Variants in EPHA6 observed in about 807,000 individuals in gnomAD.
The protein encoded by EPHA6 is ephrin type-A receptor 6.
A neutral mutation model predicts 112.0 loss-of-function variants in EPHA6; 50 were observed. The ratio of observed to expected loss-of-function variants is 0.45; its 90% CI spans 0.36 to 0.56. The LOEUF (loss-of-function observed/expected upper bound fraction) is 0.56. Among genes scored for constraint, EPHA6 ranks in the 20% least tolerant of loss-of-function variants. EPHA6 has a pLI of 0.00. For missense variants in EPHA6, 1,280 were observed against 1,417.4 expected (o/e 0.90, Z 1.56); for synonymous variants, 529 against 490.7 (o/e 1.08, Z -1.03).
intron 11 of EPHA6, among the ~76,000 whole-genome samples, chr3:97,547,212 T>G (rs2092963842): frequency 6.6e-6 from 1 of 152,208 alleles, no homozygotes; most frequent in Non-Finnish European, 1.5e-5. Context: ...ACCTTTGGTC[T>G]TTGATGATGG....
intron 7 of EPHA6, among the ~76,000 whole-genome samples, chr3:97,472,884 T>C (rs2091266589): frequency 6.6e-6 from 1 of 151,818 alleles, no homozygotes; most frequent in East Asian, 1.9e-4. Context: ...GGCAATTGCT[T>C]GGGCTTGGAG....
chr3:96,916,581 GAAAAA>G (rs1389146460), intron 2 of EPHA6, among the ~76,000 whole-genome samples: 2 of 151,982 alleles, frequency 1.3e-5, no homozygotes, highest in African/African-American at 4.8e-5. Context: ...GAGACTCATA[GAAAAA>G]AACAAGGAGC....
intron 5 of EPHA6, among the ~76,000 whole-genome samples, chr3:97,355,493 G>T (rs1210251566): frequency 6.6e-6 from 1 of 151,880 alleles, no homozygotes; most frequent in Non-Finnish European, 1.5e-5. Context: ...TTATTTGCAA[G>T]CCTCATGATA....
chr3:97,555,898 G>T (rs962978740), intron 11 of EPHA6, among the ~76,000 whole-genome samples: 1 of 152,046 alleles, frequency 6.6e-6, no homozygotes, highest in African/African-American at 2.4e-5. Flanking sequence ...TCTGATGGTA[G>T]TTTCTTTTGC....
intron 5 of EPHA6, among the ~76,000 whole-genome samples, chr3:97,283,480 C>T (rs954777168): frequency 1.3e-5 from 2 of 151,534 alleles, no homozygotes; most frequent in African/African-American, 4.9e-5. Flanking sequence ...CTAAACTAGC[C>T]TAGATATGGT....
rs1321221173 is a variant in EPHA6, at chr3:97,757,445, C to T, written c.*8744C>T. ...TCTTAACATTTCCATATTATTAATCCTTTGTTTTCCAAGACATATATAATC... is the reference window on the plus strand; with the variant it reads ...TCTTAACATTTCCATATTATTAATCTTTTGTTTTCCAAGACATATATAATC... On this transcript the variant is annotated 3_prime_UTR_variant, in exon 18 of 18. Coordinates refer to ENST00000389672, the MANE Select transcript of EPHA6 (RefSeq NM_001080448.3). Among the ~76,000 whole-genome samples, 1 of 151,444 alleles carries T rather than the reference C, an allele frequency of 6.6e-6. No individual in the cohort carries two copies. Among genetic ancestry groups the T allele is most frequent in the African/African-American group, 2.4e-5 (1 of 41,320 alleles).
chr3:97,649,602 G>A (rs2094092978), intron 14 of EPHA6, among the ~76,000 whole-genome samples: 1 of 152,022 alleles, frequency 6.6e-6, no homozygotes, highest in Non-Finnish European at 1.5e-5. Context: ...TTATCAGAAT[G>A]CTATGATGTG....
intron 7 of EPHA6, among the ~76,000 whole-genome samples, chr3:97,458,471 A>G (rs1294315168): frequency 6.6e-6 from 1 of 152,148 alleles, no homozygotes; most frequent in Non-Finnish European, 1.5e-5. Context: ...GTCAACAAAT[A>G]ATTTTGGCAA....
intron 13 of EPHA6, among the ~76,000 whole-genome samples, chr3:97,626,721 A>C (rs936824194): frequency 2.0e-5 from 3 of 151,884 alleles, no homozygotes; most frequent in Admixed American, 6.6e-5. Context: ...AGATCATACC[A>C]GTTTGCAAGA....
At chr3:97,436,970 G>A (rs933262737) in intron 6 of EPHA6, among the ~76,000 whole-genome samples, 45 of 151,756 alleles carry the variant, frequency 3.0e-4, no homozygotes, top group African/African-American at 1.0e-3. Flanking sequence ...CGGCCCACAC[G>A]TGGCCCAGGA....
At chr3:96,874,609 T>C (rs905441972) in intron 2 of EPHA6, among the ~76,000 whole-genome samples, 6 of 152,086 alleles carry the variant, frequency 3.9e-5, no homozygotes, top group South Asian at 2.1e-4. Flanking sequence ...ATACCAGTTA[T>C]AGTTAGTGAC....
intron 11 of EPHA6, among the ~76,000 whole-genome samples, chr3:97,555,554 G>A (rs547981349): frequency 6.6e-6 from 1 of 152,282 alleles, no homozygotes; most frequent in South Asian, 2.1e-4. Flanking sequence ...CAGTGTAAAA[G>A]TGTTCTTATT....
intron 12 of EPHA6, among the ~76,000 whole-genome samples, chr3:97,595,468 T>TC (rs2093579740): frequency 6.6e-6 from 1 of 151,550 alleles, no homozygotes; most frequent in African/African-American, 2.4e-5. Flanking sequence ...ACATGGTGAG[T>TC]CGCCATCTCT....
chr3:97,672,777 G>A (rs373118112), intron 14 of EPHA6, among the ~76,000 whole-genome samples: 29 of 152,222 alleles, frequency 1.9e-4, no homozygotes, highest in African/African-American at 6.5e-4. Flanking sequence ...TTACCATTTT[G>A]CATAAATGAC....
intron 13 of EPHA6, among the ~76,000 whole-genome samples, chr3:97,632,848 T>C (rs755532998): frequency 3.4e-4 from 51 of 152,104 alleles, no homozygotes; most frequent in Non-Finnish European, 6.2e-4. Context: ...TTGAAAATCA[T>C]TGAAGTGTTT....
chr3:97,545,195 G>C (rs1459642033), intron 11 of EPHA6, among the ~76,000 whole-genome samples: 1 of 151,744 alleles, frequency 6.6e-6, no homozygotes. Context: ...TTCTCTTGTG[G>C]GCATTTAGTG....
intron 10 of EPHA6, among the ~76,000 whole-genome samples, chr3:97,510,102 G>A (rs1303189478): frequency 6.6e-6 from 1 of 152,112 alleles, no homozygotes; most frequent in African/African-American, 2.4e-5. Flanking sequence ...CTTTTCTCAA[G>A]GTTCTTAGCT....
chr3:97,038,773 T>A (rs536022340), intron 3 of EPHA6, among the ~76,000 whole-genome samples: 13 of 152,102 alleles, frequency 8.5e-5, no homozygotes, highest in African/African-American at 2.9e-4. Context: ...TCTTACTTTT[T>A]TTCCAGTGTG....
intron 5 of EPHA6, among the ~76,000 whole-genome samples, chr3:97,305,932 G>A (rs1382669444): frequency 6.6e-6 from 1 of 151,590 alleles, no homozygotes; most frequent in African/African-American, 2.4e-5. Context: ...AAGAAATAAA[G>A]GGAAAATATT....
Sources: allele counts gnomAD v4.1 joint callset (sites outside exome capture counted in the v4.1 genomes callset), GRCh38; gene constraint gnomAD v4.1.1; transcripts MANE v1.5; gene names NCBI Gene and HGNC (gene_info 2026-07-23, HGNC 2026-07-21).